The following STK33 variants were observed in gnomAD, a reference collection of about 807,000 sequenced individuals.
STK33 encodes the protein serine/threonine-protein kinase 33.
STK33 carries 52 observed loss-of-function variants against 58.0 expected under a neutral mutation model. The ratio of observed to expected loss-of-function variants is 0.90; its 90% CI spans 0.72 to 1.13. The LOEUF (loss-of-function observed/expected upper bound fraction) is 1.13, where lower values mean the gene tolerates loss of function less well. STK33 is among the 50% of genes most tolerant of loss of function. The pLI is 0.00. For synonymous variants in STK33, 215 were observed against 200.1 expected (o/e 1.07, Z -0.63); for missense variants, 630 against 604.2 (o/e 1.04, Z -0.45).
chr11:8,472,182 G>C (rs557910948), intron 6 of STK33, among the ~76,000 whole-genome samples: 1 of 152,248 alleles, frequency 6.6e-6, no homozygotes, highest in East Asian at 1.9e-4. Flanking sequence ...TCCTTCCTCA[G>C]CCTTTCAAAA....
At chr11:8,557,051 G>C (rs1173880734) in intron 1 of STK33, among the ~76,000 whole-genome samples, 1 of 151,692 alleles carries the variant, frequency 6.6e-6, no homozygotes, top group Non-Finnish European at 1.5e-5. Context: ...AGGGGTTCAA[G>C]ACCAGCCTGG....
chr11:8,563,519 T>G (rs1957250371), intron 1 of STK33, among the ~76,000 whole-genome samples: 1 of 152,182 alleles, frequency 6.6e-6, no homozygotes, highest in African/African-American at 2.4e-5. Flanking sequence ...GGGCAGGTCA[T>G]CATAAATAAT....
chr11:8,493,388 C>T (rs1950793533), intron 1 of STK33, among the ~76,000 whole-genome samples: 2 of 152,088 alleles, frequency 1.3e-5, no homozygotes, highest in South Asian at 4.1e-4. Flanking sequence ...CCTCCCAAGA[C>T]TAAACAAGGA....
intron 1 of STK33, among the ~76,000 whole-genome samples, chr11:8,519,393 G>T (rs1055991178): frequency 6.6e-6 from 1 of 152,010 alleles, no homozygotes; most frequent in Non-Finnish European, 1.5e-5. Context: ...AAAGCAGGAA[G>T]GATCTAAAAT....
intron 12 of STK33, among the ~76,000 whole-genome samples, chr11:8,437,848 C>T (rs1278061228): frequency 6.6e-6 from 1 of 152,148 alleles, no homozygotes; most frequent in Non-Finnish European, 1.5e-5. Context: ...TTATCAGTAT[C>T]ATATTGTTCT....
intron 5 of STK33, 148 bp downstream of exon 5, chr11:8,474,533 C>G: frequency 1.8e-6 from 1 of 550,100 alleles, no homozygotes; most frequent in South Asian, 3.7e-5. Flanking sequence ...ACCAAATTTA[C>G]TCACCTCTTC....
chr11:8,581,429 T>C (rs1206921538), intron 1 of STK33, among the ~76,000 whole-genome samples: 1 of 152,116 alleles, frequency 6.6e-6, no homozygotes, highest in Admixed American at 6.6e-5. Flanking sequence ...GAGGATCACT[T>C]GAGTCTGGAA....
At chr11:8,418,314 T>A (rs1941417826) in intron 14 of STK33, among the ~76,000 whole-genome samples, 1 of 152,094 alleles carries the variant, frequency 6.6e-6, no homozygotes, top group Non-Finnish European at 1.5e-5. Flanking sequence ...ATCATTTAGC[T>A]CCCCTTCTAA....
chr11:8,586,139 C>A (rs2031560085), intron 1 of STK33, among the ~76,000 whole-genome samples: 1 of 151,484 alleles, frequency 6.6e-6, no homozygotes, highest in Non-Finnish European at 1.5e-5. Context: ...ATGGCTTGAG[C>A]CCAGGTGGCA....
the STK33 span, among the ~76,000 whole-genome samples, chr11:8,380,939 A>C: frequency 1.3e-5 from 2 of 152,242 alleles, no homozygotes; most frequent in Non-Finnish European, 2.9e-5. Context: ...CAGCCATCAA[A>C]AAGAATGAAA....
At chr11:8,586,798 T>C (rs2031719165) in intron 1 of STK33, among the ~76,000 whole-genome samples, 1 of 126,446 alleles carries the variant, frequency 7.9e-6, no homozygotes, top group Non-Finnish European at 1.6e-5. Context: ...CACTCCAGCC[T>C]GGGTGACAGA....
intron 14 of STK33, among the ~76,000 whole-genome samples, chr11:8,429,936 G>A (rs1011109104): frequency 6.6e-6 from 1 of 152,018 alleles, no homozygotes; most frequent in African/African-American, 2.4e-5. Flanking sequence ...TACTACATTC[G>A]AGTTCTTCCC....
chr11:8,417,799 T>A lies in STK33; in HGVS notation c.1147-4107A>T, dbSNP rs1941339902. On this transcript the variant is annotated intron_variant, in intron 14 of 15. Transcript: ENST00000687296. ...GATAGACAAAAATTTAAGTTTGATATTCCCTGTGTCGGTGAGGGTGTGGAG... is the reference window on the plus strand; with the variant it reads ...GATAGACAAAAATTTAAGTTTGATAATCCCTGTGTCGGTGAGGGTGTGGAG... 3.3e-5 allele frequency among the ~76,000 whole-genome samples: 5 copies of A among 152,188 alleles called. No individual in the cohort carries two copies. The South Asian group carries it at 1.0e-3, about 32-fold the overall frequency.
At chr11:8,488,628 T>C (rs528433538) in intron 1 of STK33, among the ~76,000 whole-genome samples, 2 of 150,606 alleles carry the variant, frequency 1.3e-5, no homozygotes, top group Non-Finnish European at 3.0e-5. Flanking sequence ...GATAAACAAG[T>C]AGACACTTCA....
the STK33 span, among the ~76,000 whole-genome samples, chr11:8,362,563 T>C: frequency 6.6e-6 from 1 of 152,202 alleles, no homozygotes; most frequent in Non-Finnish European, 1.5e-5. Context: ...ATCTTAGCAA[T>C]GTCTTTGGGG....
chr11:8,460,725 T>C lies in STK33; in HGVS notation c.558+1080A>G, dbSNP rs74053229. Among the ~76,000 whole-genome samples the C allele has an allele frequency of 8.2e-3, 1,246 of 151,926 alleles. 27 individuals are homozygous for C. Among genetic ancestry groups the C allele is most frequent in the African/African-American group, 0.028 (1,154 of 41,450 alleles). ...ATGAAGAAAATGATATCAAGGCACA[T>C]TATAATCAAATGGCTTAAAGCTGAT... On this transcript the variant is annotated intron_variant, in intron 8 of 15. Coordinates refer to ENST00000687296, the MANE Select transcript of STK33 (RefSeq NM_001352389.2).
At chr11:8,576,805 T>C (rs958443928) in intron 1 of STK33, among the ~76,000 whole-genome samples, 1 of 152,126 alleles carries the variant, frequency 6.6e-6, no homozygotes, top group African/African-American at 2.4e-5. Flanking sequence ...AGAAATCTGC[T>C]AACATGCCAA....
At chr11:8,513,800 A>T (rs1952533548) in intron 1 of STK33, among the ~76,000 whole-genome samples, 1 of 152,192 alleles carries the variant, frequency 6.6e-6, no homozygotes, top group Non-Finnish European at 1.5e-5. Flanking sequence ...TCAAACATTT[A>T]TCCTTTGTGT....
intron 1 of STK33, among the ~76,000 whole-genome samples, chr11:8,589,618 G>T (rs2032277106): frequency 6.6e-6 from 1 of 152,046 alleles, no homozygotes; most frequent in South Asian, 2.1e-4. Context: ...TAACTAGTGT[G>T]CACTTTAAAA....
Sources: gnomAD v4.1 joint callset for allele counts (sites outside exome capture counted in the v4.1 genomes callset) on GRCh38, gnomAD v4.1.1 for gene constraint, MANE v1.5 for transcripts, NCBI Gene and HGNC (gene_info 2026-07-23, HGNC 2026-07-21) for gene names.